UNC13C: variants seen among roughly 807,000 people sequenced by gnomAD.
UNC13C encodes protein unc-13 homolog C.
Under a neutral mutation model 245.4 loss-of-function variants are expected in UNC13C, and 174 were observed. That is an observed-to-expected ratio of 0.71 (90% CI 0.63 to 0.80). The LOEUF (loss-of-function observed/expected upper bound fraction) is 0.80, where lower values mean the gene tolerates loss of function less well. Among genes scored for constraint, UNC13C ranks in the 30% least tolerant of loss-of-function variants. The pLI is 0.00. For synonymous variants in UNC13C, 992 were observed against 895.1 expected, an observed-to-expected ratio of 1.11 and a Z score of -1.93; for missense variants, 2,829 against 2,602.9, an observed-to-expected ratio of 1.09 and a Z score of -1.89.
chr15:54,302,740 T>C (rs1200314910), intron 13 of UNC13C, among the ~76,000 whole-genome samples: 1 of 152,146 alleles, frequency 6.6e-6, no homozygotes, highest in Non-Finnish European at 1.5e-5. Context: ...CTTAGGATTG[T>C]CTTGGCTATG....
chr15:54,063,774 G>T (rs1308278482), intron 2 of UNC13C, among the ~76,000 whole-genome samples: 2 of 152,118 alleles, frequency 1.3e-5, no homozygotes, highest in South Asian at 4.1e-4. Flanking sequence ...AATCTTTTTG[G>T]TGCAGGAAAA....
intron 2 of UNC13C, among the ~76,000 whole-genome samples, chr15:54,054,935 A>G (rs1416263640): frequency 6.6e-6 from 1 of 152,096 alleles, no homozygotes; most frequent in Non-Finnish European, 1.5e-5. Flanking sequence ...AGTGAGTTGT[A>G]TCATCTGCAT....
At chr15:54,114,388 T>C (rs917023669) in intron 2 of UNC13C, among the ~76,000 whole-genome samples, 1 of 152,200 alleles carries the variant, frequency 6.6e-6, no homozygotes, top group African/African-American at 2.4e-5. Context: ...TGTTGCATTA[T>C]TTTACTATTC....
chr15:54,562,136 A>C (rs2141208434), intron 29 of UNC13C, among the ~76,000 whole-genome samples: 1 of 151,990 alleles, frequency 6.6e-6, no homozygotes, highest in Non-Finnish European at 1.5e-5. Flanking sequence ...GATGCTTAAA[A>C]CCCAATGCTG....
chr15:54,089,033 G>T (rs1899411628), intron 2 of UNC13C, among the ~76,000 whole-genome samples: 1 of 152,084 alleles, frequency 6.6e-6, no homozygotes, highest in Non-Finnish European at 1.5e-5. Flanking sequence ...CATACCACAG[G>T]CTCATGCCCT....
intron 10 of UNC13C, among the ~76,000 whole-genome samples, chr15:54,271,229 C>G (rs1039394355): frequency 6.6e-6 from 1 of 152,066 alleles, no homozygotes; most frequent in Non-Finnish European, 1.5e-5. Flanking sequence ...GGGTTGTAAA[C>G]AAATGTTTAA....
intron 4 of UNC13C, among the ~76,000 whole-genome samples, chr15:54,220,563 T>C (rs1355267461): frequency 6.6e-6 from 1 of 151,740 alleles, no homozygotes; most frequent in Non-Finnish European, 1.5e-5. Context: ...AACCTGCACA[T>C]TGTGTACATG....
intron 30 of UNC13C, among the ~76,000 whole-genome samples, chr15:54,588,910 A>G (rs1319604198): frequency 6.6e-6 from 1 of 152,154 alleles, no homozygotes; most frequent in African/African-American, 2.4e-5. Context: ...TTGGTTCCAC[A>G]GTTTTGCAAT....
At chr15:53,957,288 T>G in the UNC13C span, among the ~76,000 whole-genome samples, 1 of 152,066 alleles carries the variant, frequency 6.6e-6, no homozygotes, top group Admixed American at 6.6e-5. Flanking sequence ...ATTACAGGTG[T>G]GCACCACTAC....
At chr15:54,418,343 T>G (rs745581856) in intron 19 of UNC13C, among the ~76,000 whole-genome samples, 3 of 151,930 alleles carry the variant, frequency 2.0e-5, no homozygotes, top group Non-Finnish European at 2.9e-5. Context: ...TAATACAAAG[T>G]CGAAAAATAT....
chr15:53,930,565 C>T, the UNC13C span, among the ~76,000 whole-genome samples: 2 of 152,114 alleles, frequency 1.3e-5, no homozygotes, highest in African/African-American at 4.8e-5. Context: ...TCTGAATACA[C>T]AAACTAAATA....
At chr15:54,183,326 A>G (rs1395039528) in intron 4 of UNC13C, among the ~76,000 whole-genome samples, 1 of 151,340 alleles carries the variant, frequency 6.6e-6, no homozygotes, top group Non-Finnish European at 1.5e-5. Context: ...TGGCACAATA[A>G]CTACTACAGG....
Position 54,015,486 on chromosome 15 carries a change from A to C in UNC13C, c.2583A>C (p.Ala861=), listed in dbSNP as rs759479275. ...ACACGGAGCCCTATTACTATAAAGC[A>C]GAGGATGAGGAAGATTATACTGAAC... ...DVYTEPYYYK[A]EDEEDYTEPV... The change falls in exon 2 of 33, where the codon GCA becomes GCC. Residue 861 remains alanine (A), a synonymous_variant. Coordinates refer to ENST00000260323, the MANE Select transcript of UNC13C (RefSeq NM_001080534.3). 13 of 1,612,894 alleles carry C rather than the reference A, an allele frequency of 8.1e-6. No homozygotes were observed. Among genetic ancestry groups the C allele is most frequent in the Non-Finnish European group, 1.1e-5 (13 of 1,179,274 alleles).
intron 2 of UNC13C, among the ~76,000 whole-genome samples, chr15:54,139,430 C>G (rs1213075041): frequency 6.6e-6 from 1 of 152,080 alleles, no homozygotes; most frequent in East Asian, 1.9e-4. Context: ...AGGTAGGACA[C>G]AATTCAACCC....
chr15:53,939,186 A>G, the UNC13C span, among the ~76,000 whole-genome samples: 3 of 152,190 alleles, frequency 2.0e-5, no homozygotes, highest in Admixed American at 6.5e-5. Flanking sequence ...AATACACACA[A>G]CCATCAGAGA....
the UNC13C span, among the ~76,000 whole-genome samples, chr15:53,902,537 A>G: frequency 6.6e-6 from 1 of 152,242 alleles, no homozygotes; most frequent in Non-Finnish European, 1.5e-5. Flanking sequence ...GAGAGAAGAA[A>G]ACACCTGTAA....
At position 54,627,230 on chromosome 15, in the gene UNC13C, T is replaced by C; in HGVS notation, c.*117T>C. 20 of 1,103,874 alleles carry C rather than the reference T, an allele frequency of 1.8e-5. No homozygotes were observed. The highest frequency in any genetic ancestry group is 1.0e-4 in the South Asian group (6 of 58,760). 68.4% of individuals were successfully genotyped at this position (1,103,874 alleles called of 1,614,324 possible). A position where few individuals can be genotyped will look rare whatever the true frequency, so the allele number is the denominator to read the frequency against. ...AATGTTTGCCAGTACTCATGTACGA[T>C]GTCTACAAGGTATGTAAAAAACCTG... On this transcript the variant is annotated 3_prime_UTR_variant, in exon 33 of 33. Transcript: ENST00000260323.
intron 19 of UNC13C, among the ~76,000 whole-genome samples, chr15:54,485,455 C>T (rs1893355548): frequency 6.6e-6 from 1 of 152,214 alleles, no homozygotes; most frequent in Non-Finnish European, 1.5e-5. Flanking sequence ...CTACCACAAT[C>T]ATCACTGCTA....
chr15:53,853,076 G>C, the UNC13C span, among the ~76,000 whole-genome samples: 2 of 151,630 alleles, frequency 1.3e-5, no homozygotes, highest in African/African-American at 2.4e-5. Context: ...TGTTACATAG[G>C]TAAACTTGTG....
Sources: gnomAD v4.1 joint callset for allele counts (sites outside exome capture counted in the v4.1 genomes callset) on GRCh38, gnomAD v4.1.1 for gene constraint, MANE v1.5 for transcripts, NCBI Gene and HGNC (gene_info 2026-07-23, HGNC 2026-07-21) for gene names.